Variants in COG3 observed in about 807,000 individuals in gnomAD.
COG3 encodes conserved oligomeric Golgi complex subunit 3.
A neutral mutation model predicts 114.1 loss-of-function variants in COG3; 32 were observed. The observed-to-expected ratio is 0.28, with a 90% CI of 0.21 to 0.38. COG3 has a LOEUF of 0.38. Ranked by LOEUF, COG3 falls within the 10% of genes least tolerant of loss-of-function variation. The pLI is 1.00. For missense variants in COG3, 813 were observed against 973.2 expected, an observed-to-expected ratio of 0.84 and a Z score of 2.19; for synonymous variants, 352 against 365.7, an observed-to-expected ratio of 0.96 and a Z score of 0.43.
intron 6 of COG3, among the ~76,000 whole-genome samples, chr13:45,482,882 C>CT (rs556018832): frequency 1.3e-3 from 194 of 152,344 alleles, no homozygotes; most frequent in African/African-American, 4.5e-3. Flanking sequence ...TAATCACCCT[C>CT]TATTTCTGTT....
At chr13:45,510,806 T>A (rs1870776205) in intron 15 of COG3, among the ~76,000 whole-genome samples, 2 of 152,228 alleles carry the variant, frequency 1.3e-5, no homozygotes, top group Non-Finnish European at 2.9e-5. Flanking sequence ...ACGTTAAGGC[T>A]GAGCAAGGGA....
Position 45,529,767 on chromosome 13 carries a change from C to T in COG3, c.2231-24C>T, listed in dbSNP as rs376104309. ...ATTTCTTTTCTTTTTCTTTATGACA[C>T]TAATGAGGTTACTTTATTTCCAGCA... On this transcript the variant is annotated intron_variant, in intron 20 of 22. Coordinates refer to ENST00000349995, the MANE Select transcript of COG3 (RefSeq NM_031431.4). The T allele has an allele frequency of 1.3e-5, 21 of 1,576,332 alleles. No homozygotes were observed. In the African/African-American group the frequency reaches 2.0e-4, roughly 15 times the overall value.
chr13:45,495,235 A>G (rs1404452111), intron 12 of COG3, among the ~76,000 whole-genome samples: 7 of 132,254 alleles, frequency 5.3e-5, no homozygotes, highest in African/African-American at 1.5e-4. Context: ...TGATCATCCT[A>G]TCTGCGCCTC....
At chr13:45,506,414 CGT>C (rs1870152313) in intron 14 of COG3, among the ~76,000 whole-genome samples, 1 of 151,818 alleles carries the variant, frequency 6.6e-6, no homozygotes, top group Non-Finnish European at 1.5e-5. Flanking sequence ...GTGTAGTTTG[CGT>C]AAACAGGTGA....
chr13:45,530,467 G>A (rs1328381998), intron 21 of COG3, among the ~76,000 whole-genome samples: 2 of 152,284 alleles, frequency 1.3e-5, no homozygotes, highest in Non-Finnish European at 2.9e-5. Context: ...GACAAGGCTC[G>A]CTAGAGTTTA....
chr13:45,494,708 T>C (rs1309369290), intron 12 of COG3, among the ~76,000 whole-genome samples: 1 of 151,896 alleles, frequency 6.6e-6, no homozygotes, highest in Non-Finnish European at 1.5e-5. Context: ...ATTTCTTTTG[T>C]AGAGAGGGGG....
chr13:45,482,314 C>T (rs1175274196), intron 5 of COG3, 67 bp from the exon 6 acceptor site: 2 of 808,294 alleles, frequency 2.5e-6, no homozygotes, highest in Admixed American at 4.8e-5. Flanking sequence ...TGACTCTAAT[C>T]CATAGTTTCC....
At chr13:45,528,878 T>G (rs929064070) in intron 20 of COG3, among the ~76,000 whole-genome samples, 3 of 152,240 alleles carry the variant, frequency 2.0e-5, no homozygotes, top group Non-Finnish European at 2.9e-5. Context: ...TCTTGGTATT[T>G]TTTTAGTATA....
At chr13:45,478,425 C>T (rs778633751) in intron 2 of COG3, among the ~76,000 whole-genome samples, 2 of 151,380 alleles carry the variant, frequency 1.3e-5, no homozygotes, top group South Asian at 2.1e-4. Flanking sequence ...GTGATCCGCT[C>T]GCCTCGGCCT....
intron 14 of COG3, among the ~76,000 whole-genome samples, chr13:45,505,923 T>A (rs1051360125): frequency 6.6e-6 from 1 of 151,844 alleles, no homozygotes; most frequent in African/African-American, 2.4e-5. Flanking sequence ...GGAGACAGGG[T>A]CTGGTTCTGT....
At chr13:45,533,372 G>A (rs932644971) in intron 22 of COG3, among the ~76,000 whole-genome samples, 3 of 152,104 alleles carry the variant, frequency 2.0e-5, no homozygotes, top group African/African-American at 7.2e-5. Context: ...AGTGTAAGGA[G>A]TGCCCATATA....
intron 19 of COG3, among the ~76,000 whole-genome samples, chr13:45,520,501 A>G (rs771939459): frequency 2.6e-5 from 4 of 152,184 alleles, no homozygotes; most frequent in Non-Finnish European, 5.9e-5. Context: ...CAGCTATGCA[A>G]TTGTTCATTA....
At chr13:45,508,401 T>TAC (rs1473495289) in intron 14 of COG3, among the ~76,000 whole-genome samples, 4 of 109,476 alleles carry the variant, frequency 3.7e-5, no homozygotes, top group Non-Finnish European at 5.4e-5. Context: ...TATATATATA[T>TAC]ATACACACAC....
chr13:45,465,516 C>A (rs995219848), intron 1 of COG3: 11 of 291,900 alleles, frequency 3.8e-5, no homozygotes, highest in South Asian at 2.7e-4. Flanking sequence ...GAACGTTTTG[C>A]CCCAGACGAG....
In COG3 at chr13:45,535,834, T is replaced by G. The variant is rs1381668703; in HGVS notation, c.*1103T>G. 7.1e-6 allele frequency: 7 copies of G among 987,482 alleles called. No individual in the cohort carries two copies. Among genetic ancestry groups the G allele is most frequent in the African/African-American group, 1.7e-5 (1 of 57,290 alleles). 61.2% of individuals were successfully genotyped at this position (987,482 alleles called of 1,614,324 possible). On this transcript the variant is annotated 3_prime_UTR_variant, in exon 23 of 23. Coordinates refer to ENST00000349995, the MANE Select transcript of COG3 (RefSeq NM_031431.4). The stretch of plus-strand genomic sequence containing the variant: ...TTCCAACAAATTCCTACTTCCTGAT[T>G]GGATTGGTTTTGCCGCTGATGTTAA...
In COG3 at chr13:45,481,263, C is replaced by T; in HGVS notation, c.583C>T (p.Gln195Ter). The T allele has an allele frequency of 6.3e-7, 1 of 1,598,874 alleles. No individual in the cohort carries two copies. The highest frequency in any genetic ancestry group is 8.6e-7 in the Non-Finnish European group (1 of 1,168,166). The change falls in exon 5 of 23, where the codon CAA (glutamine) becomes TAA (stop). Residue 195 changes from glutamine to a stop codon, truncating the protein, a stop_gained. Transcript: ENST00000349995. LOFTEE classifies it high-confidence loss of function. ...TGTTGATCTGGCTGAAAACATTCAA[C>T]AAAAGCTTTCCTATTTTAACGAATT... ...ELVDLAENIQ[Q>*]KLSYFNELET...
chr13:45,479,396 C>G (rs1886109981), intron 3 of COG3, among the ~76,000 whole-genome samples: 1 of 152,068 alleles, frequency 6.6e-6, no homozygotes, highest in African/African-American at 2.4e-5. Flanking sequence ...GGAGAAACAT[C>G]CCTGAAAGAC....
rs532350740 is a variant in COG3 at position 45,495,268 on chromosome 13, A to G, written c.1328-884A>G. On this transcript the variant is annotated intron_variant, in intron 12 of 22. Transcript: ENST00000349995. The stretch of plus-strand genomic sequence containing the variant: ...CTCCCAAAGTGCTGGGATTACAGGC[A>G]TGAGCCACCATGCCTCGCCTAATGT... Among the ~76,000 whole-genome samples the G allele has an allele frequency of 1.1e-4, 16 of 151,000 alleles. No homozygotes were observed. In the East Asian group the frequency reaches 2.8e-3, roughly 26 times the overall value.
chr13:45,489,173 T>G, intron 8 of COG3, among the ~76,000 whole-genome samples: 1 of 93,488 alleles, frequency 1.1e-5, no homozygotes, highest in Non-Finnish European at 1.9e-5. Flanking sequence ...GGTGACAAAG[T>G]GAGACTCTGT....
Sources: allele counts gnomAD v4.1 joint callset (sites outside exome capture counted in the v4.1 genomes callset), GRCh38; gene constraint gnomAD v4.1.1; transcripts MANE v1.5; gene names NCBI Gene and HGNC (gene_info 2026-07-23, HGNC 2026-07-21).